Variants in MUSK observed in about 807,000 individuals in gnomAD.
MUSK encodes muscle associated receptor tyrosine kinase.
In MUSK, 55 loss-of-function variants were observed where a neutral mutation model predicts 88.7. The observed-to-expected ratio is 0.62, with a 90% CI of 0.50 to 0.78. MUSK has a LOEUF of 0.78. Ranked by LOEUF, MUSK falls within the 30% of genes least tolerant of loss-of-function variation. The pLI is 0.00. For missense variants in MUSK, 1,015 were observed against 1,074.3 expected (o/e 0.94, Z 0.77); for synonymous variants, 387 against 391.9 (o/e 0.99, Z 0.15).
In MUSK at chr9:110,694,400, A is replaced by AC. The variant is rs1278577439; in HGVS notation, c.359-1003_359-1002insC. 9.2e-3 allele frequency among the ~76,000 whole-genome samples: 1,196 copies of AC among 130,472 alleles called. 32 individuals are homozygous for AC. The highest frequency in any genetic ancestry group is 0.027 in the Middle Eastern group (7 of 260). 85.6% of individuals were successfully genotyped at this position (130,472 alleles called of 152,430 possible). On this transcript the variant is annotated intron_variant, in intron 3 of 14. Coordinates refer to ENST00000374448, the MANE Select transcript of MUSK (RefSeq NM_005592.4). Reference sequence around the variant, plus strand: ...GACTCCGTCTCAAAAAAAAAAAAAAAAAAAAACAAAAAAACAAAACCCAAC... The same window carrying AC: ...GACTCCGTCTCAAAAAAAAAAAAAAACAAAAAACAAAAAAACAAAACCCAAC...
intron 4 of MUSK, 29 bp downstream of exon 4, chr9:110,695,559 T>C: frequency 6.7e-7 from 1 of 1,484,736 alleles, no homozygotes; most frequent in Admixed American, 2.3e-5. Context: ...AAAACACATA[T>C]ATAAAATGTA....
At position 110,677,987 on chromosome 9, in the gene MUSK, G is replaced by T. The variant is rs185847906; in HGVS notation, c.80-4687G>T. On this transcript the variant is annotated intron_variant, in intron 1 of 14. Transcript: ENST00000374448. The stretch of plus-strand genomic sequence containing the variant: ...GCATAGTAATAATTTTGAAATTTAT[G>T]ATTTAATTTAATTTGCTTTTTAAAA... 3.2e-3 allele frequency among the ~76,000 whole-genome samples: 490 copies of T among 151,922 alleles called. 1 individual carries two copies. The highest frequency in any genetic ancestry group is 5.0e-3 in the Non-Finnish European group (342 of 67,930).
At chr9:110,730,927 A>G (rs1377995198) in intron 5 of MUSK, among the ~76,000 whole-genome samples, 4 of 151,988 alleles carry the variant, frequency 2.6e-5, no homozygotes, top group Admixed American at 1.3e-4. Context: ...TCTTAGTTGT[A>G]GGATGAAGAA....
chr9:110,682,659 C>A lies in MUSK; in HGVS notation c.80-15C>A, dbSNP rs748616130. ...ATTCTAGAATGTTCTCTTTTGATTT[C>A]TCCTTTCCTTTCAGCTCCTGTCATC... On this transcript the variant is annotated splice_polypyrimidine_tract_variant and intron_variant, in intron 1 of 14. Coordinates refer to ENST00000374448, the MANE Select transcript of MUSK (RefSeq NM_005592.4). 6.2e-6 allele frequency: 10 copies of A among 1,608,924 alleles called. No homozygotes were observed. In the African/African-American group the frequency reaches 1.1e-4, roughly 17 times the overall value.
At chr9:110,719,451 A>G (rs1587950505) in intron 5 of MUSK, among the ~76,000 whole-genome samples, 2 of 152,236 alleles carry the variant, frequency 1.3e-5, no homozygotes, top group South Asian at 4.1e-4. Flanking sequence ...CTTATATCAG[A>G]CAAAACAAAC....
chr9:110,791,112 G>T (rs1037287196), intron 14 of MUSK, among the ~76,000 whole-genome samples: 3 of 152,150 alleles, frequency 2.0e-5, no homozygotes, highest in African/African-American at 4.8e-5. Flanking sequence ...GAGGAGCCAA[G>T]ATGGCCGAAT....
chr9:110,720,677 G>A (rs145904799), intron 5 of MUSK, among the ~76,000 whole-genome samples: 29 of 152,162 alleles, frequency 1.9e-4, no homozygotes, highest in African/African-American at 6.5e-4. Context: ...AGAAGAATTG[G>A]TACCAATCCT....
At chr9:110,726,502 G>A (rs2076885920) in intron 5 of MUSK, among the ~76,000 whole-genome samples, 1 of 152,032 alleles carries the variant, frequency 6.6e-6, no homozygotes, top group Admixed American at 6.6e-5. Context: ...TTGACCTGCA[G>A]TTGCCCTTGA....
chr9:110,669,756 G>C (rs563406021), intron 1 of MUSK, among the ~76,000 whole-genome samples: 1 of 152,302 alleles, frequency 6.6e-6, no homozygotes, highest in East Asian at 1.9e-4. Flanking sequence ...AGACTGGAAA[G>C]TCTGTGATTT....
At chr9:110,703,934 CCAGT>C (rs2076563435) in intron 5 of MUSK, among the ~76,000 whole-genome samples, 1 of 152,016 alleles carries the variant, frequency 6.6e-6, no homozygotes, top group Non-Finnish European at 1.5e-5. Flanking sequence ...CATTTCACAC[CCAGT>C]CAAATCATAA....
chr9:110,722,928 G>T (rs943280726), intron 5 of MUSK, among the ~76,000 whole-genome samples: 9 of 152,228 alleles, frequency 5.9e-5, no homozygotes, highest in Middle Eastern at 3.4e-3. Flanking sequence ...TTATATTGTT[G>T]TTGGGAACGT....
chr9:110,801,125 A>T lies in MUSK; in HGVS notation c.*137A>T. 1.3e-6 allele frequency: 1 copy of T among 767,220 alleles called. No individual in the cohort carries two copies. Among genetic ancestry groups the T allele is most frequent in the Non-Finnish European group, 1.9e-6 (1 of 523,930 alleles). 47.5% of individuals were successfully genotyped at this position (767,220 alleles called of 1,614,324 possible). A position where few individuals can be genotyped will look rare whatever the true frequency, so the allele number is the denominator to read the frequency against. ...ATGAGTAGTGTGTTGTTTGCTTCCC[A>T]GGGAGAGCAAAGACAGTGCAAAACC... On this transcript the variant is annotated 3_prime_UTR_variant, in exon 15 of 15. Transcript: ENST00000374448.
intron 8 of MUSK, among the ~76,000 whole-genome samples, chr9:110,764,645 A>AGATC (rs1554752434): frequency 5.3e-4 from 80 of 152,082 alleles, no homozygotes; most frequent in African/African-American, 1.8e-3. Flanking sequence ...ATAGGTAGGT[A>AGATC]GATCATCGGT....
rs374179094 is a variant in MUSK, at chr9:110,740,815, G to A, written c.753+6440G>A. 3.3e-4 allele frequency among the ~76,000 whole-genome samples: 50 copies of A among 152,238 alleles called. No individual in the cohort carries two copies. In the Middle Eastern group the frequency reaches 0.014, roughly 41 times the overall value. Reference sequence around the variant, plus strand: ...CGGAAGACTGGGAGTGAAGTTTCCCGGGCCTGAACCCTTATTCAAAGGCGT... The same window carrying A: ...CGGAAGACTGGGAGTGAAGTTTCCCAGGCCTGAACCCTTATTCAAAGGCGT... On this transcript the variant is annotated intron_variant, in intron 6 of 14. Coordinates refer to ENST00000374448, the MANE Select transcript of MUSK (RefSeq NM_005592.4).
intron 5 of MUSK, among the ~76,000 whole-genome samples, chr9:110,711,260 A>T (rs1554741640): frequency 6.6e-6 from 1 of 152,030 alleles, no homozygotes; most frequent in African/African-American, 2.4e-5. Context: ...AATAATAATA[A>T]AAAAAATTTA....
intron 5 of MUSK, among the ~76,000 whole-genome samples, chr9:110,720,122 T>A (rs2076792336): frequency 6.6e-6 from 1 of 151,956 alleles, no homozygotes. Flanking sequence ...GGAAAATTCA[T>A]AGCATTATCT....
intron 1 of MUSK, among the ~76,000 whole-genome samples, chr9:110,681,621 C>G (rs73536277): frequency 6.6e-6 from 1 of 151,802 alleles, no homozygotes; most frequent in Admixed American, 6.6e-5. Flanking sequence ...TAAACTGAAT[C>G]GTAAAAGACA....
At chr9:110,725,987 G>C (rs16915317) in intron 5 of MUSK, among the ~76,000 whole-genome samples, 4,562 of 152,012 alleles carry the variant, frequency 0.03, 223 homozygotes, top group African/African-American at 0.1. Flanking sequence ...GACCAAAAAA[G>C]TCATACAGCG....
intron 7 of MUSK, among the ~76,000 whole-genome samples, chr9:110,750,350 C>T (rs144935921): frequency 3.0e-4 from 46 of 152,252 alleles, no homozygotes; most frequent in Non-Finnish European, 6.6e-4. Flanking sequence ...GGACACCCCC[C>T]ACACCACTGC....
Sources: allele counts gnomAD v4.1 joint callset (sites outside exome capture counted in the v4.1 genomes callset), GRCh38; gene constraint gnomAD v4.1.1; transcripts MANE v1.5; gene names NCBI Gene and HGNC (gene_info 2026-07-23, HGNC 2026-07-21).